The following CTNNA2 variants were observed in gnomAD, a reference collection of about 807,000 sequenced individuals.
CTNNA2 encodes the protein catenin alpha 2.
CTNNA2 carries 42 observed loss-of-function variants against 101.0 expected under a neutral mutation model. The ratio of observed to expected loss-of-function variants is 0.42; its 90% CI spans 0.32 to 0.54. CTNNA2 has a LOEUF of 0.54. CTNNA2 is among the 20% of genes least tolerant of loss of function. The pLI is 0.14. For synonymous variants in CTNNA2, 450 were observed against 456.4 expected (o/e 0.99, Z 0.18); for missense variants, 871 against 1,223.1 (o/e 0.71, Z 4.29).
chr2:79,238,605 C>G lies in CTNNA2; in HGVS notation c.-406+40529C>G, dbSNP rs532039117. ...TTAAGGTGCAATGAAATGAGATATG[C>G]CTGTATTAATTTTTCCAGTTATTGC... is the stretch of plus-strand genomic sequence containing the variant. On this transcript the variant is annotated intron_variant, in intron 2 of 21. Coordinates refer to the CTNNA2 transcript ENST00000466387. Among the ~76,000 whole-genome samples, 162 of 152,004 alleles carry G rather than the reference C, an allele frequency of 1.1e-3. 1 individual carries two copies. Among genetic ancestry groups the G allele is most frequent in the Non-Finnish European group, 2.0e-3 (137 of 67,972 alleles).
At chr2:80,344,498 A>T (rs978334317) in intron 7 of CTNNA2, among the ~76,000 whole-genome samples, 1 of 152,208 alleles carries the variant, frequency 6.6e-6, no homozygotes, top group East Asian at 1.9e-4. Context: ...ACATTCCCAA[A>T]TGTCTTCCCT....
intron 7 of CTNNA2, among the ~76,000 whole-genome samples, chr2:80,061,903 T>C (rs922657050): frequency 6.6e-6 from 1 of 152,192 alleles, no homozygotes; most frequent in African/African-American, 2.4e-5. Context: ...AAGAATTTGA[T>C]GGGCATGGGG....
chr2:79,954,633 AAGC>A (rs1010994634), intron 7 of CTNNA2, among the ~76,000 whole-genome samples: 2 of 152,196 alleles, frequency 1.3e-5, no homozygotes, highest in African/African-American at 4.8e-5. Context: ...TGTAAGGTTC[AAGC>A]AGCAATACAA....
At chr2:79,827,411 T>C (rs916792278) in intron 3 of CTNNA2, among the ~76,000 whole-genome samples, 5 of 152,172 alleles carry the variant, frequency 3.3e-5, no homozygotes, top group African/African-American at 1.2e-4. Flanking sequence ...CAAAAAGTAG[T>C]TGGCTTGCAG....
intron 1 of CTNNA2, among the ~76,000 whole-genome samples, chr2:79,595,960 GC>G (rs1433061079): frequency 1.3e-5 from 2 of 149,756 alleles, no homozygotes; most frequent in Non-Finnish European, 3.0e-5. Flanking sequence ...GATCCATTCC[GC>G]CATGTGATAC....
intron 7 of CTNNA2, among the ~76,000 whole-genome samples, chr2:80,341,606 G>T (rs1318270126): frequency 1.3e-5 from 2 of 152,128 alleles, no homozygotes; most frequent in African/African-American, 2.4e-5. Flanking sequence ...AAAGAAGATG[G>T]ACAATAATAA....
At chr2:80,405,582 C>T (rs1438415926) in intron 8 of CTNNA2, among the ~76,000 whole-genome samples, 1 of 152,176 alleles carries the variant, frequency 6.6e-6, no homozygotes, top group Admixed American at 6.5e-5. Context: ...TATCTGTGTC[C>T]AGCTCCATGC....
chr2:79,910,725 C>A (rs991935797), intron 7 of CTNNA2, among the ~76,000 whole-genome samples: 2 of 152,120 alleles, frequency 1.3e-5, no homozygotes, highest in Admixed American at 6.6e-5. Flanking sequence ...TACTGAAGTC[C>A]ATGTTAGGTA....
intron 9 of CTNNA2, among the ~76,000 whole-genome samples, chr2:80,446,093 T>A (rs1315307370): frequency 6.6e-6 from 1 of 152,140 alleles, no homozygotes; most frequent in Non-Finnish European, 1.5e-5. Flanking sequence ...GAGGCAAAGG[T>A]TAATTAAAAA....
At chr2:80,431,688 T>C (rs774134923) in intron 9 of CTNNA2, among the ~76,000 whole-genome samples, 4 of 152,182 alleles carry the variant, frequency 2.6e-5, no homozygotes, top group Non-Finnish European at 5.9e-5. Context: ...CACTCCTTAT[T>C]GTACTCCCAT....
At chr2:80,369,269 T>G (rs1675233260) in intron 7 of CTNNA2, among the ~76,000 whole-genome samples, 1 of 152,078 alleles carries the variant, frequency 6.6e-6, no homozygotes. Flanking sequence ...CCCACCATTT[T>G]CATATATCTA....
At chr2:80,548,360 A>G (rs906194753) in intron 11 of CTNNA2, among the ~76,000 whole-genome samples, 4 of 152,086 alleles carry the variant, frequency 2.6e-5, no homozygotes, top group Non-Finnish European at 4.4e-5. Flanking sequence ...CAACTTTTCC[A>G]ACCTATTCTT....
chr2:79,859,710 C>G (rs1044013268), intron 4 of CTNNA2, among the ~76,000 whole-genome samples: 3 of 151,888 alleles, frequency 2.0e-5, no homozygotes, highest in African/African-American at 7.3e-5. Context: ...ATTGGATAAG[C>G]TGAGCAATTT....
chr2:79,993,336 C>G lies in CTNNA2; in HGVS notation c.1056+83539C>G, dbSNP rs895126774. ...TCACTTCACTGCTAATTGGCCTGTT[C>G]TCTCTCCCTCTCCATTTTTTGGGCT... On this transcript the variant is annotated intron_variant, in intron 7 of 18. Transcript: ENST00000402739. 2.0e-5 allele frequency among the ~76,000 whole-genome samples: 3 copies of G among 152,154 alleles called. No individual in the cohort carries two copies. The South Asian group carries it at 6.2e-4, about 32-fold the overall frequency.
At chr2:80,574,038 C>A in intron 12 of CTNNA2, 125 bp from the exon 13 acceptor site, 1 of 913,028 alleles carries the variant, frequency 1.1e-6, no homozygotes. Context: ...TCAAACTGGA[C>A]AGATGAGTGT....
At chr2:80,105,113 A>T (rs1700796770) in intron 7 of CTNNA2, among the ~76,000 whole-genome samples, 1 of 152,226 alleles carries the variant, frequency 6.6e-6, no homozygotes, top group African/African-American at 2.4e-5. Context: ...AGTTGCCTAA[A>T]TGAAATAATT....
chr2:79,406,931 C>T (rs1248067596), intron 4 of CTNNA2, among the ~76,000 whole-genome samples: 2 of 152,000 alleles, frequency 1.3e-5, no homozygotes, highest in Non-Finnish European at 2.9e-5. Context: ...GTCTCCTCAA[C>T]TCTATGATTT....
chr2:79,257,076 G>A (rs950660360), intron 2 of CTNNA2, among the ~76,000 whole-genome samples: 15 of 152,124 alleles, frequency 9.9e-5, no homozygotes, highest in African/African-American at 1.4e-4. Flanking sequence ...AAGACTGACC[G>A]TAAGTTAAAG....
chr2:79,290,940 A>C (rs79230554), intron 2 of CTNNA2, among the ~76,000 whole-genome samples: 163 of 152,316 alleles, frequency 1.1e-3, no homozygotes, highest in African/African-American at 3.6e-3. Flanking sequence ...ACAGACAGCA[A>C]AACTAAAAGA....
Sources: allele counts gnomAD v4.1 joint callset (sites outside exome capture counted in the v4.1 genomes callset), GRCh38; gene constraint gnomAD v4.1.1; transcripts MANE v1.5; gene names NCBI Gene and HGNC (gene_info 2026-07-23, HGNC 2026-07-21).